Variants in TLK2 observed in about 807,000 individuals in gnomAD.
TLK2 encodes the protein serine/threonine-protein kinase tousled-like 2.
A neutral mutation model predicts 117.3 loss-of-function variants in TLK2; 6 were observed. The ratio of observed to expected loss-of-function variants is 0.05; its 90% CI spans 0.03 to 0.10. TLK2 has a LOEUF of 0.10. Among genes scored for constraint, TLK2 ranks in the 10% least tolerant of loss-of-function variants. The probability of loss-of-function intolerance (pLI) is 1.00; values close to 1 mark genes in which losing one functional copy is unlikely to be tolerated. For synonymous variants in TLK2, 257 were observed against 316.7 expected (o/e 0.81, Z 2.00); for missense variants, 299 against 901.2 (o/e 0.33, Z 8.56).
chr17:62,490,400 C>T (rs926422844), intron 2 of TLK2, among the ~76,000 whole-genome samples: 3 of 152,304 alleles, frequency 2.0e-5, no homozygotes, highest in Middle Eastern at 3.4e-3. Flanking sequence ...TCACTCTTAT[C>T]CTGAGGGTGT....
At chr17:62,504,188 T>C (rs2074464735) in intron 2 of TLK2, among the ~76,000 whole-genome samples, 1 of 152,178 alleles carries the variant, frequency 6.6e-6, no homozygotes, top group Non-Finnish European at 1.5e-5. Context: ...AGGACTCCCA[T>C]ATAGGGGAAA....
chr17:62,567,630 G>A (rs989434432), intron 11 of TLK2, among the ~76,000 whole-genome samples: 1 of 152,156 alleles, frequency 6.6e-6, no homozygotes, highest in Admixed American at 6.5e-5. Flanking sequence ...ATATCTAATA[G>A]CCTCAGAGGT....
chr17:62,491,785 C>T (rs2073135069), intron 2 of TLK2, among the ~76,000 whole-genome samples: 2 of 152,194 alleles, frequency 1.3e-5, no homozygotes, highest in East Asian at 1.9e-4. Context: ...GGGGTTTCAC[C>T]GTGTTGGCCA....
At position 62,580,096 on chromosome 17, in the gene TLK2, T is replaced by A. The variant is rs1340436982; in HGVS notation, c.1287-15T>A. On this transcript the variant is annotated splice_polypyrimidine_tract_variant and intron_variant, in intron 14 of 21. Coordinates refer to ENST00000346027, the MANE Select transcript of TLK2 (RefSeq NM_006852.6). ...TCCATGATCTCAGGGTGTTACATGT[T>A]CCCTGTTTCCACAGATTTAAAGATC... 1.9e-6 allele frequency: 3 copies of A among 1,609,928 alleles called. No homozygotes were observed. The African/African-American group carries it at 4.0e-5, about 22-fold the overall frequency.
At chr17:62,519,611 C>G (rs185698744) in intron 2 of TLK2, among the ~76,000 whole-genome samples, 1 of 151,968 alleles carries the variant, frequency 6.6e-6, no homozygotes, top group Non-Finnish European at 1.5e-5. Context: ...GTCAGGAGTT[C>G]GAGACCAGCC....
chr17:62,583,960 C>A (rs1253551465), intron 15 of TLK2, among the ~76,000 whole-genome samples: 1 of 152,108 alleles, frequency 6.6e-6, no homozygotes, highest in Admixed American at 6.6e-5. Context: ...GTTCTCCACT[C>A]TCCACAATCC....
chr17:62,583,342 A>G (rs552932835), intron 15 of TLK2, among the ~76,000 whole-genome samples: 1 of 152,174 alleles, frequency 6.6e-6, no homozygotes, highest in East Asian at 1.9e-4. Flanking sequence ...TGATCCGCCC[A>G]TCTCTGCCTC....
intron 6 of TLK2, among the ~76,000 whole-genome samples, chr17:62,527,791 G>T (rs1324963689): frequency 6.6e-6 from 1 of 151,468 alleles, no homozygotes; most frequent in Admixed American, 6.6e-5. Flanking sequence ...TGCCCAGGCT[G>T]GAGTGCAGTG....
chr17:62,513,316 G>T (rs987452053), intron 2 of TLK2, among the ~76,000 whole-genome samples: 10 of 111,510 alleles, frequency 9.0e-5, no homozygotes, highest in South Asian at 3.1e-4. Flanking sequence ...TTATTAAATT[G>T]CCTTTTTTTT....
chr17:62,571,837 G>A (rs1241613753), intron 11 of TLK2, among the ~76,000 whole-genome samples: 6 of 152,144 alleles, frequency 3.9e-5, no homozygotes, highest in Admixed American at 3.9e-4. Flanking sequence ...GTTCAGGGAA[G>A]AGGGTAGAGC....
upstream of TLK2, chr17:62,477,994 C>T (rs975308609): frequency 6.6e-6 from 1 of 152,190 alleles, no homozygotes; most frequent in African/African-American, 2.4e-5. Flanking sequence ...CAGCGCCCCT[C>T]CTTCCGGAGG....
intron 7 of TLK2, chr17:62,551,495 G>A (rs1474425157): frequency 6.6e-6 from 1 of 152,044 alleles, no homozygotes; most frequent in African/African-American, 2.4e-5. Context: ...CATGAGGTCA[G>A]GAGATCAAGA....
At position 62,614,482 on chromosome 17, in the gene TLK2, C is replaced by T. The variant is rs180749757; in HGVS notation, c.*1917C>T. The T allele has an allele frequency of 1.3e-5, 2 of 152,290 alleles. No individual in the cohort carries two copies. The highest frequency in any genetic ancestry group is 2.4e-5 in the African/African-American group (1 of 41,548). 9.4% of individuals were successfully genotyped at this position (152,290 alleles called of 1,614,324 possible). A position where few individuals can be genotyped will look rare whatever the true frequency, so the allele number is the denominator to read the frequency against. ...TCAAATAACTCATGACTCTAGTGTT[C>T]CTTTCACATGTGAACAGTGTCACTG... On this transcript the variant is annotated 3_prime_UTR_variant, in exon 22 of 22. Coordinates refer to ENST00000346027, the MANE Select transcript of TLK2 (RefSeq NM_006852.6).
intron 6 of TLK2, among the ~76,000 whole-genome samples, chr17:62,530,459 C>G (rs1319207238): frequency 6.6e-6 from 1 of 152,016 alleles, no homozygotes. Context: ...AGAGTGAGAC[C>G]CTGTCTCAAA....
At chr17:62,519,913 A>G (rs1401731356) in intron 2 of TLK2, among the ~76,000 whole-genome samples, 2 of 152,052 alleles carry the variant, frequency 1.3e-5, no homozygotes, top group East Asian at 1.9e-4. Context: ...ACCTCTTTCC[A>G]CTTGCGTAGT....
At chr17:62,508,168 G>GTTTTTTT (rs34268998) in intron 2 of TLK2, among the ~76,000 whole-genome samples, 28 of 125,752 alleles carry the variant, frequency 2.2e-4, no homozygotes, top group African/African-American at 8.1e-4. Flanking sequence ...AAATTTCCTA[G>GTTTTTTT]TTTTTTTTTT....
In TLK2 at chr17:62,602,797, G is replaced by C. The variant is rs8080659; in HGVS notation, c.1859+617G>C. ...GCACCCAAGCTACCTCTGCCTGCCAGTTTTATGCTTCTATTTCTGCCTACT... is the reference window on the plus strand; with the variant it reads ...GCACCCAAGCTACCTCTGCCTGCCACTTTTATGCTTCTATTTCTGCCTACT... On this transcript the variant is annotated intron_variant, in intron 19 of 21. Transcript: ENST00000346027. Among the ~76,000 whole-genome samples, 478 of 152,302 alleles carry C rather than the reference G, an allele frequency of 3.1e-3. 4 individuals carry two copies. The highest frequency in any genetic ancestry group is 0.011 in the African/African-American group (458 of 41,574).
At chr17:62,530,507 T>TG (rs1230347801) in intron 6 of TLK2, among the ~76,000 whole-genome samples, 2 of 152,150 alleles carry the variant, frequency 1.3e-5, no homozygotes, top group African/African-American at 2.4e-5. Context: ...AATTACCACA[T>TG]GCCAAAATTT....
At chr17:62,533,998 A>T (rs1184567761) in intron 6 of TLK2, among the ~76,000 whole-genome samples, 2 of 152,120 alleles carry the variant, frequency 1.3e-5, no homozygotes, top group Non-Finnish European at 2.9e-5. Flanking sequence ...TATCTATATT[A>T]TATAGATCTG....
Sources: gnomAD v4.1 joint callset for allele counts (sites outside exome capture counted in the v4.1 genomes callset) on GRCh38, gnomAD v4.1.1 for gene constraint, MANE v1.5 for transcripts, NCBI Gene and HGNC (gene_info 2026-07-23, HGNC 2026-07-21) for gene names.